The following STARD13 variants were observed in gnomAD, a reference collection of about 807,000 sequenced individuals.
STARD13 encodes stAR-related lipid transfer protein 13.
STARD13 carries 62 observed loss-of-function variants against 106.4 expected under a neutral mutation model. The observed-to-expected ratio is 0.58, with a 90% CI of 0.48 to 0.72. The LOEUF (loss-of-function observed/expected upper bound fraction) is 0.72, where lower values mean the gene tolerates loss of function less well. Ranked by LOEUF, STARD13 falls within the 30% of genes least tolerant of loss-of-function variation. STARD13 has a pLI of 0.00. For synonymous variants in STARD13, 565 were observed against 553.0 expected (o/e 1.02, Z -0.31); for missense variants, 1,387 against 1,424.0 (o/e 0.97, Z 0.42).
chr13:33,138,944 G>T lies in STARD13; in HGVS notation c.387+3366C>A, dbSNP rs560198228. 45 of 439,664 alleles carry T rather than the reference G, an allele frequency of 1.0e-4. 1 individual carries two copies. The Admixed American group carries it at 1.1e-3, about 11-fold the overall frequency. The allele number at this position is 439,664 out of a possible 1,614,324, so 27.2% of individuals were successfully genotyped here. A position where few individuals can be genotyped will look rare whatever the true frequency, so the allele number is the denominator to read the frequency against. ...CAGTGCTTTGGAAGTGGCATTTCAT[G>T]TATAAGAAAGGTGTATGGCTAACCA... On this transcript the variant is annotated intron_variant, in intron 4 of 13. Transcript: ENST00000336934.
the STARD13 span, among the ~76,000 whole-genome samples, chr13:33,593,369 G>A: frequency 6.6e-6 from 1 of 151,996 alleles, no homozygotes; most frequent in Non-Finnish European, 1.5e-5. Context: ...ATTTTTAGTA[G>A]AGATGGGGTT....
chr13:33,485,684 C>T, the STARD13 span, among the ~76,000 whole-genome samples: 1 of 152,078 alleles, frequency 6.6e-6, no homozygotes. Context: ...ATATGCTATA[C>T]CTTTGCATTT....
chr13:33,170,888 A>G (rs1354192457), intron 1 of STARD13, among the ~76,000 whole-genome samples: 3 of 152,204 alleles, frequency 2.0e-5, no homozygotes, highest in African/African-American at 4.8e-5. Context: ...GAGTTTGCCC[A>G]TCCAATTGAG....
the STARD13 span, among the ~76,000 whole-genome samples, chr13:33,392,268 A>G: frequency 1.3e-5 from 2 of 152,174 alleles, no homozygotes; most frequent in African/African-American, 4.8e-5. Flanking sequence ...CCCCATGCCC[A>G]GCAGGCTGGA....
chr13:33,149,107 C>T (rs12863103), intron 3 of STARD13, among the ~76,000 whole-genome samples: 46,156 of 151,942 alleles, frequency 0.3, 7,248 homozygotes, highest in South Asian at 0.42. Context: ...AATGCAGCTA[C>T]TCTCTATGAT....
At chr13:33,105,740 G>A in intron 13 of STARD13, 30 bp from the exon 14 acceptor site, 1 of 1,575,252 alleles carries the variant, frequency 6.3e-7, no homozygotes, top group Non-Finnish European at 8.7e-7. Flanking sequence ...AAAGGAAGTG[G>A]GAAAGTTTGT....
At chr13:33,417,603 A>G in the STARD13 span, among the ~76,000 whole-genome samples, 3 of 152,296 alleles carry the variant, frequency 2.0e-5, no homozygotes, top group Admixed American at 6.5e-5. Flanking sequence ...AAAGTAAAGT[A>G]TGGATCCATG....
chr13:33,162,916 A>G (rs1042149290), intron 3 of STARD13, among the ~76,000 whole-genome samples: 3 of 150,316 alleles, frequency 2.0e-5, no homozygotes, highest in South Asian at 4.3e-4. Flanking sequence ...GAAACACCCC[A>G]CTCTCGGTAC....
At chr13:33,466,405 A>G in the STARD13 span, among the ~76,000 whole-genome samples, 1 of 152,346 alleles carries the variant, frequency 6.6e-6, no homozygotes, top group East Asian at 1.9e-4. Context: ...TTCAATAAAT[A>G]TCAACATATG....
the STARD13 span, among the ~76,000 whole-genome samples, chr13:33,604,453 A>G: frequency 1.3e-5 from 2 of 152,308 alleles, no homozygotes; most frequent in South Asian, 4.2e-4. Context: ...ATCAATAGCA[A>G]ACTTCTCCAA....
At chr13:33,329,921 C>T (rs1448920203) in intron 1 of STARD13, among the ~76,000 whole-genome samples, 1 of 152,102 alleles carries the variant, frequency 6.6e-6, no homozygotes, top group Non-Finnish European at 1.5e-5. Context: ...CCAGGCTGGT[C>T]TTGAACTCCT....
chr13:33,145,871 C>A (rs985055063), intron 3 of STARD13, among the ~76,000 whole-genome samples: 1 of 152,128 alleles, frequency 6.6e-6, no homozygotes, highest in Non-Finnish European at 1.5e-5. Flanking sequence ...CACTGGGGGA[C>A]TTTTTGAGGT....
At chr13:33,267,572 AC>A (rs1439522340) in intron 1 of STARD13, among the ~76,000 whole-genome samples, 3 of 152,210 alleles carry the variant, frequency 2.0e-5, no homozygotes, top group Non-Finnish European at 4.4e-5. Flanking sequence ...ACCTGAGAGC[AC>A]CTGACACAGA....
At chr13:33,418,263 C>G in the STARD13 span, among the ~76,000 whole-genome samples, 1 of 152,232 alleles carries the variant, frequency 6.6e-6, no homozygotes, top group Non-Finnish European at 1.5e-5. Flanking sequence ...ATGGTCTTAG[C>G]AACCAGCAGA....
the STARD13 span, among the ~76,000 whole-genome samples, chr13:33,459,121 C>G: frequency 1.3e-5 from 2 of 152,114 alleles, no homozygotes; most frequent in African/African-American, 4.8e-5. Flanking sequence ...AGATAAATTG[C>G]ATAGATATAG....
chr13:33,626,372 A>G, the STARD13 span, among the ~76,000 whole-genome samples: 18 of 152,192 alleles, frequency 1.2e-4, no homozygotes, highest in African/African-American at 4.3e-4. Context: ...TTAGCTATAC[A>G]TGAATCTAAT....
chr13:33,366,857 G>A, the STARD13 span, among the ~76,000 whole-genome samples: 1 of 152,180 alleles, frequency 6.6e-6, no homozygotes, highest in Non-Finnish European at 1.5e-5. This position sits in a 1 kb window ranked among gnomAD's most constrained non-coding sequence, Gnocchi z 4.2. Context: ...GTGATAGGCC[G>A]GATATTATAT....
At chr13:33,136,514 C>A (rs1431190050) in intron 4 of STARD13, among the ~76,000 whole-genome samples, 1 of 152,170 alleles carries the variant, frequency 6.6e-6, no homozygotes, top group African/African-American at 2.4e-5. Flanking sequence ...CTGATTGATC[C>A]TCACCCTTCC....
intron 4 of STARD13, among the ~76,000 whole-genome samples, chr13:33,139,443 C>T (rs1368961768): frequency 6.6e-6 from 1 of 152,192 alleles, no homozygotes; most frequent in Non-Finnish European, 1.5e-5. Flanking sequence ...TGAGCCAGCA[C>T]CTGCAACCCT....
Sources: allele counts gnomAD v4.1 joint callset (sites outside exome capture counted in the v4.1 genomes callset), GRCh38; gene constraint gnomAD v4.1.1; non-coding constraint Gnocchi (gnomAD v3.1); transcripts MANE v1.5; gene names NCBI Gene and HGNC (gene_info 2026-07-23, HGNC 2026-07-21).